DENND1B: variants seen among roughly 807,000 people sequenced by gnomAD.
The protein encoded by DENND1B is DENN domain containing 1B, also known as DENN domain-containing protein 1B.
In DENND1B, 59 loss-of-function variants were observed where a neutral mutation model predicts 90.1. The ratio of observed to expected loss-of-function variants is 0.65; its 90% CI spans 0.53 to 0.81. The LOEUF (loss-of-function observed/expected upper bound fraction) is 0.81, where lower values mean the gene tolerates loss of function less well. Ranked by LOEUF, DENND1B falls within the 40% of genes least tolerant of loss-of-function variation. DENND1B has a pLI of 0.00. For synonymous variants in DENND1B, 337 were observed against 324.6 expected, an observed-to-expected ratio of 1.04 and a Z score of -0.41; for missense variants, 862 against 912.6, an observed-to-expected ratio of 0.94 and a Z score of 0.71.
chr1:197,663,513 A>G (rs1200702483), intron 5 of DENND1B, among the ~76,000 whole-genome samples: 1 of 152,112 alleles, frequency 6.6e-6, no homozygotes, highest in Non-Finnish European at 1.5e-5. Flanking sequence ...CTAAGGGCAT[A>G]TTTTGTTTGG....
rs1366032332 is a variant in DENND1B, at chr1:197,715,026, C to G, written c.126+5G>C. 6.2e-7 allele frequency: 1 copy of G among 1,608,260 alleles called. No individual in the cohort carries two copies. Among genetic ancestry groups the G allele is most frequent in the Non-Finnish European group, 8.5e-7 (1 of 1,175,838 alleles). On this transcript the variant is annotated splice_donor_5th_base_variant and intron_variant, in intron 3 of 22. Transcript: ENST00000620048. ...AAATTTTTTAAAAAATTATGTGGTA[C>G]CAACCTGGTCTCCAAAGTCCTCTGG...
chr1:197,543,261 G>T (rs1302931136), intron 18 of DENND1B, among the ~76,000 whole-genome samples: 1 of 152,054 alleles, frequency 6.6e-6, no homozygotes, highest in Admixed American at 6.6e-5. Context: ...AATTTGAAAA[G>T]ATTTTACTTC....
intron 15 of DENND1B, among the ~76,000 whole-genome samples, chr1:197,568,657 G>C (rs1050181617): frequency 6.6e-6 from 1 of 152,024 alleles, no homozygotes; most frequent in Non-Finnish European, 1.5e-5. Context: ...CAGATATACA[G>C]ACATATGAAA....
At chr1:197,572,111 G>T (rs1673215206) in intron 15 of DENND1B, among the ~76,000 whole-genome samples, 1 of 152,148 alleles carries the variant, frequency 6.6e-6, no homozygotes, top group Non-Finnish European at 1.5e-5. Flanking sequence ...GCAGGGTGGG[G>T]CATCGCCGCA....
At chr1:197,587,171 A>C (rs953881102) in intron 14 of DENND1B, among the ~76,000 whole-genome samples, 2 of 152,362 alleles carry the variant, frequency 1.3e-5, no homozygotes, top group South Asian at 2.1e-4. Flanking sequence ...TGAGTTGATC[A>C]ATCTACTTAC....
In DENND1B at chr1:197,510,264, A is replaced by T; in HGVS notation, c.*196T>A. 1 of 626,738 alleles carries T rather than the reference A, an allele frequency of 1.6e-6. No homozygotes were observed. The highest frequency in any genetic ancestry group is 2.6e-6 in the Non-Finnish European group (1 of 379,644). 38.8% of individuals were successfully genotyped at this position (626,738 alleles called of 1,614,324 possible). ...ATACATACACACTAGTACCTGATTTAAAAGCACAGTAGAATTCGCTTTATA... is the reference window on the plus strand; with the variant it reads ...ATACATACACACTAGTACCTGATTTTAAAGCACAGTAGAATTCGCTTTATA... On this transcript the variant is annotated 3_prime_UTR_variant, in exon 23 of 23. Transcript: ENST00000620048.
rs559360453 is a variant in DENND1B, at chr1:197,639,183, C to A, written c.672+3528G>T. On this transcript the variant is annotated intron_variant, in intron 10 of 22. Transcript: ENST00000620048. Reference sequence around the variant, plus strand: ...GGTTCAAGTGATTCTCTTGCCTCAGCCTCCCGAGTAGCTGGGACTACAGGT... The same window carrying A: ...GGTTCAAGTGATTCTCTTGCCTCAGACTCCCGAGTAGCTGGGACTACAGGT... Among the ~76,000 whole-genome samples, 3 of 151,954 alleles carry A rather than the reference C, an allele frequency of 2.0e-5. No homozygotes were observed. The South Asian group carries it at 6.2e-4, about 32-fold the overall frequency.
chr1:197,694,089 C>T (rs895064084), intron 3 of DENND1B, among the ~76,000 whole-genome samples: 2 of 151,102 alleles, frequency 1.3e-5, no homozygotes, highest in East Asian at 1.9e-4. Context: ...TCCTTTAAAT[C>T]GTTTATCTAT....
At chr1:197,552,565 A>G in intron 16 of DENND1B, 2 of 985,632 alleles carry the variant, frequency 2.0e-6, no homozygotes, top group Non-Finnish European at 2.4e-6. Flanking sequence ...AGACATCTGT[A>G]TAATAATAAT....
intron 16 of DENND1B, among the ~76,000 whole-genome samples, chr1:197,551,729 T>C (rs1182263284): frequency 6.6e-6 from 1 of 152,142 alleles, no homozygotes; most frequent in Non-Finnish European, 1.5e-5. Context: ...ACAGCAGTTA[T>C]GTAAATACCG....
chr1:197,642,892 T>C, intron 9 of DENND1B, 71 bp from the exon 10 acceptor site: 1 of 1,014,574 alleles, frequency 9.9e-7, no homozygotes, highest in Non-Finnish European at 1.5e-6. Context: ...TTTACACACT[T>C]ACCAGAAAGT....
chr1:197,635,011 G>A (rs1166797273), intron 10 of DENND1B, among the ~76,000 whole-genome samples: 1 of 146,878 alleles, frequency 6.8e-6, no homozygotes, highest in Non-Finnish European at 1.5e-5. Flanking sequence ...AAGGAAGGAA[G>A]CAAGGAAGGA....
intron 15 of DENND1B, among the ~76,000 whole-genome samples, chr1:197,572,702 C>T (rs1673283078): frequency 6.6e-6 from 1 of 152,286 alleles, no homozygotes; most frequent in African/African-American, 2.4e-5. Context: ...CCCGCTGGGA[C>T]GAAGCTTCCA....
intron 11 of DENND1B, among the ~76,000 whole-genome samples, chr1:197,613,630 AG>A (rs1269961993): frequency 6.6e-6 from 1 of 150,860 alleles, no homozygotes; most frequent in African/African-American, 2.4e-5. Flanking sequence ...TATTCCTTCT[AG>A]GTCTCCAGAG....
At chr1:197,744,964 T>A (rs892905331) in intron 2 of DENND1B, among the ~76,000 whole-genome samples, 3 of 152,230 alleles carry the variant, frequency 2.0e-5, no homozygotes, top group Admixed American at 6.5e-5. Context: ...CCTTATCTCA[T>A]GAACCAACCT....
chr1:197,579,244 A>G (rs1472482531), intron 15 of DENND1B, among the ~76,000 whole-genome samples: 3 of 152,170 alleles, frequency 2.0e-5, no homozygotes, highest in African/African-American at 7.2e-5. Context: ...AGGGGGGCAA[A>G]CTCAGTTTTT....
chr1:197,731,322 G>T (rs1662124949), intron 2 of DENND1B, among the ~76,000 whole-genome samples: 1 of 152,050 alleles, frequency 6.6e-6, no homozygotes, highest in Admixed American at 6.6e-5. Context: ...TGAAATTCAT[G>T]ACCTCAGACC....
chr1:197,724,659 C>T (rs1661468279), intron 2 of DENND1B, among the ~76,000 whole-genome samples: 1 of 152,072 alleles, frequency 6.6e-6, no homozygotes, highest in South Asian at 2.1e-4. Context: ...AATTAAGATA[C>T]TAATTTTTTT....
rs115547187 is a variant in DENND1B at position 197,720,323 on chromosome 1, C to T, written c.83-5249G>A. On this transcript the variant is annotated intron_variant, in intron 2 of 22. Coordinates refer to ENST00000620048, the MANE Select transcript of DENND1B (RefSeq NM_001195215.2). ...ATGAGCATGGCTCACTGCAGCCTCA[C>T]TCTCCCAGCCTCAAGCAATCCCTTC... is the stretch of plus-strand genomic sequence containing the variant. Among the ~76,000 whole-genome samples, 803 of 152,140 alleles carry T rather than the reference C, an allele frequency of 5.3e-3. 10 individuals carry two copies. Among genetic ancestry groups the T allele is most frequent in the African/African-American group, 0.018 (746 of 41,514 alleles).
Sources: gnomAD v4.1 joint callset for allele counts (sites outside exome capture counted in the v4.1 genomes callset) on GRCh38, gnomAD v4.1.1 for gene constraint, MANE v1.5 for transcripts, NCBI Gene and HGNC (gene_info 2026-07-23, HGNC 2026-07-21) for gene names.